Variants in CDC20B observed in about 807,000 individuals in gnomAD.
The protein encoded by CDC20B is cell division cycle 20B.
Under a neutral mutation model 64.1 loss-of-function variants are expected in CDC20B, and 58 were observed. The ratio of observed to expected loss-of-function variants is 0.90; its 90% CI spans 0.73 to 1.13. The LOEUF (loss-of-function observed/expected upper bound fraction) is 1.13. Ranked by LOEUF, CDC20B falls within the 50% of genes most tolerant of loss-of-function variation. The pLI is 0.00. For missense variants in CDC20B, 597 were observed against 633.0 expected (o/e 0.94, Z 0.61); for synonymous variants, 243 against 230.6 (o/e 1.05, Z -0.49).
At chr5:55,117,255 T>TC (rs749399425) in intron 11 of CDC20B, among the ~76,000 whole-genome samples, 2 of 151,916 alleles carry the variant, frequency 1.3e-5, no homozygotes, top group Non-Finnish European at 2.9e-5. Context: ...ACTGAAATTT[T>TC]CCCCCCAAAA....
chr5:55,134,102 C>G (rs762171172), intron 5 of CDC20B, among the ~76,000 whole-genome samples: 1 of 152,082 alleles, frequency 6.6e-6, no homozygotes, highest in Non-Finnish European at 1.5e-5. Flanking sequence ...CCATGACTAT[C>G]TAAGGTCAGT....
intron 6 of CDC20B, among the ~76,000 whole-genome samples, chr5:55,131,466 C>G (rs1197670510): frequency 6.6e-6 from 1 of 151,754 alleles, no homozygotes; most frequent in Non-Finnish European, 1.5e-5. Context: ...CACAAATCAG[C>G]AAAAAAGGAT....
At chr5:55,131,554 T>C (rs1376768712) in intron 6 of CDC20B, among the ~76,000 whole-genome samples, 1 of 152,170 alleles carries the variant, frequency 6.6e-6, no homozygotes, top group Non-Finnish European at 1.5e-5. Context: ...TGATCAGCTG[T>C]CTCAAATATA....
rs79482045 is a variant in CDC20B at position 55,127,482 on chromosome 5, C to G, written c.895-131G>C. The G allele has an allele frequency of 8.1e-4, 560 of 687,726 alleles. 1 individual carries two copies. In the African/African-American group the frequency reaches 9.2e-3, roughly 11 times the overall value. The allele number at this position is 687,726 out of a possible 1,614,324, so 42.6% of individuals were successfully genotyped here. ...CTAAGTGAAAACCCAGCACATCTAG[C>G]CAGCAGTTCTCAATTCTGACTGTGT... is the stretch of plus-strand genomic sequence containing the variant. On this transcript the variant is annotated intron_variant, in intron 7 of 11. Coordinates refer to ENST00000381375, the MANE Select transcript of CDC20B (RefSeq NM_001170402.1).
chr5:55,152,679 A>G (rs1004655533), intron 2 of CDC20B, among the ~76,000 whole-genome samples: 13 of 152,210 alleles, frequency 8.5e-5, no homozygotes, highest in African/African-American at 3.1e-4. Context: ...CTGACAAATC[A>G]ATCTAGTCTA....
chr5:55,146,639 G>C lies in CDC20B; in HGVS notation c.344C>G (p.Thr115Ser). The C allele has an allele frequency of 1.2e-6, 2 of 1,613,788 alleles. No homozygotes were observed. The highest frequency in any genetic ancestry group is 1.7e-6 in the Non-Finnish European group (2 of 1,179,742). Residue 115 changes from threonine to serine, a missense_variant, in exon 3 of 12, where the codon ACC (threonine) becomes AGC (serine). Around this residue, in one of 3 missense-constraint regions of CDC20B, gnomAD observed 241 missense variants for 219.2 expected, o/e 1.10. Transcript: ENST00000381375. ...TTGGGGCACCTCACCTAGAGTCAAGGTCTCTTTCTCAGGCGGTGTCTTCAG... is the reference window on the plus strand; with the variant it reads ...TTGGGGCACCTCACCTAGAGTCAAGCTCTCTTTCTCAGGCGGTGTCTTCAG... Reference protein sequence around the residue: ...SVLKTPPEKETLTLGSRKEQL... With the variant: ...SVLKTPPEKESLTLGSRKEQL...
intron 2 of CDC20B, among the ~76,000 whole-genome samples, chr5:55,168,382 C>T (rs1031324022): frequency 2.0e-5 from 3 of 151,830 alleles, no homozygotes; most frequent in Non-Finnish European, 4.4e-5. Flanking sequence ...ATCAGCAGAA[C>T]CTCCCTCCTC....
At chr5:55,164,026 C>G (rs1744236768) in intron 2 of CDC20B, 1 of 1,472,230 alleles carries the variant, frequency 6.8e-7, no homozygotes, top group Non-Finnish European at 9.2e-7. Flanking sequence ...TAAAATTATG[C>G]TCATGAAAAT....
chr5:55,128,612 T>A lies in CDC20B; in HGVS notation c.703A>T (p.Asn235Tyr), dbSNP rs1049473887. The change falls in exon 7 of 12, where the codon AAT (asparagine) becomes TAT (tyrosine). Residue 235 changes from asparagine (N) to tyrosine (Y), a missense_variant. This residue lies in a region of CDC20B where 353 missense variants were observed against 397.0 expected (regional missense o/e 0.89). Transcript: ENST00000381375. Reference protein sequence around the residue: ...ITGLRNDYYLNILDWSFQNLV... With the variant: ...ITGLRNDYYLYILDWSFQNLV... ...TTCTGAAAACTCCAATCTAGGATAT[T>A]CAGATCTATAAGAAAAGCACTTCAA... 1 of 1,551,818 alleles carries A rather than the reference T, an allele frequency of 6.4e-7. No individual in the cohort carries two copies. Among genetic ancestry groups the A allele is most frequent in the Admixed American group, 2.4e-5 (1 of 41,350 alleles).
chr5:55,149,896 G>T (rs1743613292), intron 2 of CDC20B, among the ~76,000 whole-genome samples: 1 of 152,212 alleles, frequency 6.6e-6, no homozygotes, highest in African/African-American at 2.4e-5. Flanking sequence ...CACTTTGGGA[G>T]ACTGAGGTGA....
chr5:55,148,308 T>G (rs778523708), intron 2 of CDC20B, among the ~76,000 whole-genome samples: 8 of 152,356 alleles, frequency 5.3e-5, no homozygotes, highest in Non-Finnish European at 8.8e-5. Flanking sequence ...TGGCATACAC[T>G]GCTGTGGAGG....
chr5:55,139,169 A>G (rs966773528), intron 5 of CDC20B, among the ~76,000 whole-genome samples: 1 of 152,164 alleles, frequency 6.6e-6, no homozygotes. Context: ...AAATTAACAC[A>G]TGACTTCTCA....
chr5:55,114,424 AG>A lies in CDC20B; in HGVS notation c.1460-107del. The A allele has an allele frequency of 1.3e-6, 2 of 1,487,992 alleles. No individual in the cohort carries two copies. The highest frequency in any genetic ancestry group is 1.8e-6 in the Non-Finnish European group (2 of 1,117,036). The allele number at this position is 1,487,992 out of a possible 1,614,324, so 92.2% of individuals were successfully genotyped here. A position where few individuals can be genotyped will look rare whatever the true frequency, so the allele number is the denominator to read the frequency against. On this transcript the variant is annotated intron_variant, in intron 11 of 11. Coordinates refer to ENST00000381375, the MANE Select transcript of CDC20B (RefSeq NM_001170402.1). This position sits in a 1 kb window ranked among gnomAD's most constrained non-coding sequence, Gnocchi z 4.1. The stretch of plus-strand genomic sequence containing the variant: ...GGCCATGAGTCCCATCCCAGGATAA[AG>A]GGCTTTCCCACACCCACCAGGTTCA...
intron 2 of CDC20B, among the ~76,000 whole-genome samples, chr5:55,156,035 T>C (rs1325478712): frequency 6.6e-6 from 1 of 152,148 alleles, no homozygotes; most frequent in Non-Finnish European, 1.5e-5. Flanking sequence ...AGGAAAGAGA[T>C]TTAATGGACT....
intron 2 of CDC20B, chr5:55,161,146 C>G (rs542981574): frequency 1.2e-6 from 2 of 1,614,186 alleles, no homozygotes; most frequent in African/African-American, 1.3e-5. Context: ...CCCGCCCAAG[C>G]AAGGAAGTAG....
intron 2 of CDC20B, among the ~76,000 whole-genome samples, chr5:55,147,918 C>T (rs1743542864): frequency 6.6e-6 from 1 of 152,170 alleles, no homozygotes; most frequent in African/African-American, 2.4e-5. Context: ...AAGTGATTTG[C>T]TCAACATCTG....
intron 2 of CDC20B, among the ~76,000 whole-genome samples, chr5:55,154,742 G>T (rs577990087): frequency 1.9e-4 from 29 of 152,202 alleles, no homozygotes; most frequent in African/African-American, 7.0e-4. Context: ...GTTCATAGTG[G>T]TATAGATGAA....
intron 8 of CDC20B, chr5:55,126,273 G>A (rs1742885429): frequency 7.1e-6 from 1 of 141,364 alleles, no homozygotes; most frequent in African/African-American, 2.5e-5. Context: ...GGCCGAGGCA[G>A]GTGGATCACA....
At chr5:55,156,789 A>C (rs1246414947) in intron 2 of CDC20B, among the ~76,000 whole-genome samples, 1 of 152,006 alleles carries the variant, frequency 6.6e-6, no homozygotes, top group Non-Finnish European at 1.5e-5. Context: ...CCGGAGAATC[A>C]CTCAAACCCA....
Sources: allele counts gnomAD v4.1 joint callset (sites outside exome capture counted in the v4.1 genomes callset), GRCh38; gene constraint gnomAD v4.1.1; regional missense constraint gnomAD v4.1.1; non-coding constraint Gnocchi (gnomAD v3.1); transcripts MANE v1.5; gene names NCBI Gene and HGNC (gene_info 2026-07-23, HGNC 2026-07-21).